Variants in FGF14 observed in about 807,000 individuals in gnomAD.
FGF14 encodes the protein fibroblast growth factor 14.
FGF14 carries 5 observed loss-of-function variants against 25.5 expected under a neutral mutation model. The observed-to-expected ratio is 0.20, with a 90% CI of 0.10 to 0.41. FGF14 has a LOEUF of 0.41. Among genes scored for constraint, FGF14 ranks in the 10% least tolerant of loss-of-function variants. The pLI, the probability that FGF14 is intolerant of heterozygous loss-of-function variation, is 1.00. For synonymous variants in FGF14, 138 were observed against 118.3 expected (o/e 1.17, Z -1.08); for missense variants, 222 against 320.1 (o/e 0.69, Z 2.34).
At chr13:101,850,057 G>A (rs908506078) in intron 3 of FGF14, among the ~76,000 whole-genome samples, 3 of 151,544 alleles carry the variant, frequency 2.0e-5, no homozygotes, top group African/African-American at 7.3e-5. Flanking sequence ...GGAGAGGAAG[G>A]CAGGAAGAAG....
intron 1 of FGF14, among the ~76,000 whole-genome samples, chr13:101,915,949 T>C (rs1459603836): frequency 6.6e-6 from 1 of 152,160 alleles, no homozygotes; most frequent in African/African-American, 2.4e-5. Context: ...CAGCTCCCGC[T>C]GGGGGCACCG....
chr13:102,116,427 A>T (rs1268593374), intron 1 of FGF14, among the ~76,000 whole-genome samples: 1 of 152,142 alleles, frequency 6.6e-6, no homozygotes, highest in Admixed American at 6.5e-5. Flanking sequence ...TTCTATATAC[A>T]ATAAATTATA....
intron 1 of FGF14, among the ~76,000 whole-genome samples, chr13:101,923,288 C>A (rs1238213842): frequency 2.0e-5 from 3 of 152,032 alleles, no homozygotes; most frequent in Admixed American, 2.0e-4. Flanking sequence ...GAAAGTCCAA[C>A]ATTATTTTTT....
intron 1 of FGF14, among the ~76,000 whole-genome samples, chr13:101,953,317 C>A (rs1421685010): frequency 6.6e-6 from 1 of 151,984 alleles, no homozygotes; most frequent in Non-Finnish European, 1.5e-5. Context: ...AATTCCACCA[C>A]CTGCACACAG....
intron 1 of FGF14, among the ~76,000 whole-genome samples, chr13:102,016,699 T>C (rs1319089379): frequency 6.6e-6 from 1 of 152,174 alleles, no homozygotes; most frequent in Non-Finnish European, 1.5e-5. Flanking sequence ...CTGCCCAGGA[T>C]GGCCTTGAAC....
chr13:101,936,141 C>T (rs111308465), intron 1 of FGF14, among the ~76,000 whole-genome samples: 2,437 of 152,248 alleles, frequency 0.016, 28 homozygotes, highest in Non-Finnish European at 0.024. Flanking sequence ...AGAAATTCTC[C>T]CTTCCATTGT....
intron 1 of FGF14, among the ~76,000 whole-genome samples, chr13:102,316,219 G>T (rs2056013695): frequency 6.6e-6 from 1 of 152,192 alleles, no homozygotes; most frequent in African/African-American, 2.4e-5. Flanking sequence ...TGACCTTTCT[G>T]CCACAGTACT....
At chr13:102,153,273 T>C (rs926141688) in intron 1 of FGF14, among the ~76,000 whole-genome samples, 1 of 152,224 alleles carries the variant, frequency 6.6e-6, no homozygotes, top group Admixed American at 6.5e-5. Context: ...AGAATTTTTA[T>C]ATGTAGATGC....
At chr13:102,146,141 C>CT (rs1331089615) in intron 1 of FGF14, among the ~76,000 whole-genome samples, 2 of 152,290 alleles carry the variant, frequency 1.3e-5, no homozygotes, top group African/African-American at 4.8e-5. Context: ...TTCACAATGA[C>CT]TATCAGTGTC....
At chr13:101,758,604 A>C (rs1187185313) in intron 3 of FGF14, among the ~76,000 whole-genome samples, 3 of 152,180 alleles carry the variant, frequency 2.0e-5, no homozygotes, top group Non-Finnish European at 4.4e-5. Context: ...ATAACTAAAT[A>C]ATTGCAGGGC....
At chr13:102,286,979 T>C (rs1395300692) in intron 1 of FGF14, among the ~76,000 whole-genome samples, 1 of 115,446 alleles carries the variant, frequency 8.7e-6, no homozygotes, top group Non-Finnish European at 1.8e-5. Context: ...TTAATAGTCA[T>C]GGGGGAGGGG....
intron 1 of FGF14, among the ~76,000 whole-genome samples, chr13:102,181,710 A>C (rs917473407): frequency 6.6e-6 from 1 of 152,142 alleles, no homozygotes; most frequent in Admixed American, 6.6e-5. Flanking sequence ...TTATATTTGC[A>C]TCTGTGCTAT....
At chr13:102,145,241 T>C (rs1594135318) in intron 1 of FGF14, among the ~76,000 whole-genome samples, 1 of 152,216 alleles carries the variant, frequency 6.6e-6, no homozygotes, top group Non-Finnish European at 1.5e-5. Context: ...TTGGGTTTTT[T>C]TGGCAATGAT....
chr13:101,916,460 C>T lies in FGF14; in HGVS notation c.186G>A (p.Arg62=), dbSNP rs761177427. 1.5e-5 allele frequency: 25 copies of T among 1,613,828 alleles called. No individual in the cohort carries two copies. The Admixed American group carries it at 3.7e-4, about 24-fold the overall frequency. ...ACCATGACCCCCACAGACCTTGGCG[C>T]CGCAACCTGCGCTTCTTGAGGCCGA... ...RIFGLKKRRL[R]RQDPQLKGIV... The change falls in exon 1 of 5, where the codon CGG becomes CGA. Residue 62 remains arginine, a synonymous_variant. Transcript: ENST00000376143.
chr13:102,269,382 G>T (rs1414245008), intron 1 of FGF14, among the ~76,000 whole-genome samples: 1 of 152,078 alleles, frequency 6.6e-6, no homozygotes, highest in Non-Finnish European at 1.5e-5. Context: ...TTAATTTTAG[G>T]TGAGCTATTA....
intron 1 of FGF14, among the ~76,000 whole-genome samples, chr13:102,294,411 G>T (rs1184646792): frequency 1.4e-5 from 2 of 146,320 alleles, no homozygotes; most frequent in African/African-American, 2.5e-5. Context: ...AGACTGTTTG[G>T]TCCAAAAAAA....
intron 1 of FGF14, among the ~76,000 whole-genome samples, chr13:102,163,670 C>A (rs1706071579): frequency 6.6e-6 from 1 of 151,868 alleles, no homozygotes; most frequent in Non-Finnish European, 1.5e-5. Flanking sequence ...GCTGCAAAGG[C>A]AATTGAGGAA....
Position 101,714,588 on chromosome 13 carries a change from A to T in FGF14, c.*8243T>A. The T allele has an allele frequency of 8.3e-7, 1 of 1,202,706 alleles. No homozygotes were observed. Among genetic ancestry groups the T allele is most frequent in the East Asian group, 2.3e-5 (1 of 42,852 alleles). The allele number at this position is 1,202,706 out of a possible 1,614,324, so 74.5% of individuals were successfully genotyped here. ...ACCTTTTCTAATTGCTCTATGCCAC[A>T]GTTTGTTATAGAGCCAAGAGACACT... On this transcript the variant is annotated 3_prime_UTR_variant, in exon 5 of 5. Coordinates refer to ENST00000376143, the MANE Select transcript of FGF14 (RefSeq NM_004115.4).
intron 1 of FGF14, among the ~76,000 whole-genome samples, chr13:102,153,324 T>C (rs9557818): frequency 0.066 from 9,996 of 152,234 alleles, 947 homozygotes; most frequent in East Asian, 0.5. Context: ...ATAAAGATGA[T>C]GGCAATTGAT....
Sources: gnomAD v4.1 joint callset for allele counts (sites outside exome capture counted in the v4.1 genomes callset) on GRCh38, gnomAD v4.1.1 for gene constraint, MANE v1.5 for transcripts, NCBI Gene and HGNC (gene_info 2026-07-23, HGNC 2026-07-21) for gene names.